The following TDRD12 variants were observed in gnomAD, a reference collection of about 807,000 sequenced individuals.
The protein encoded by TDRD12 is putative ATP-dependent RNA helicase TDRD12.
In TDRD12, 158 loss-of-function variants were observed where a neutral mutation model predicts 133.5. The ratio of observed to expected loss-of-function variants is 1.18; its 90% CI spans 1.04 to 1.35. The LOEUF is 1.35. TDRD12 is among the 40% of genes most tolerant of loss of function. TDRD12 has a pLI of 0.00. For synonymous variants in TDRD12, 460 were observed against 477.9 expected, an observed-to-expected ratio of 0.96 and a Z score of 0.49; for missense variants, 1,443 against 1,321.3, an observed-to-expected ratio of 1.09 and a Z score of -1.43.
intron 4 of TDRD12, among the ~76,000 whole-genome samples, chr19:32,745,074 C>A (rs1468793016): frequency 1.3e-5 from 2 of 152,246 alleles, no homozygotes; most frequent in Non-Finnish European, 2.9e-5. Flanking sequence ...CCAGCCAGCC[C>A]CCCCCACTAC....
intron 10 of TDRD12, among the ~76,000 whole-genome samples, chr19:32,775,626 C>T (rs927591499): frequency 3.3e-5 from 5 of 152,116 alleles, no homozygotes; most frequent in African/African-American, 1.2e-4. Context: ...AGCCACTGTG[C>T]CCGGCCTATA....
At chr19:32,720,264 TC>T (rs1199669414) in intron 1 of TDRD12, among the ~76,000 whole-genome samples, 168 bp downstream of exon 1, 19 of 53,790 alleles carry the variant, frequency 3.5e-4, no homozygotes, top group Admixed American at 1.1e-3. Context: ...CCCCCACCCC[TC>T]CCCCCATCCC....
At chr19:32,722,694 T>C (rs1968723985) in intron 1 of TDRD12, among the ~76,000 whole-genome samples, 1 of 151,226 alleles carries the variant, frequency 6.6e-6, no homozygotes, top group Non-Finnish European at 1.5e-5. Flanking sequence ...TTTTTTTTTT[T>C]TTTGAGACGG....
intron 4 of TDRD12, among the ~76,000 whole-genome samples, chr19:32,743,419 G>C (rs1244011478): frequency 7.1e-6 from 1 of 141,226 alleles, no homozygotes; most frequent in Non-Finnish European, 1.5e-5. Flanking sequence ...CTCCCTTCTT[G>C]CTTTCTTTTT....
Position 32,806,062 on chromosome 19 carries a change from T to G in TDRD12, c.2553-1487T>G, listed in dbSNP as rs1229903913. On this transcript the variant is annotated intron_variant, in intron 21 of 27. Coordinates refer to ENST00000444215, the Ensembl canonical transcript of TDRD12. ...GTACATTTTAGAATGAGCCTGTTAG[T>G]GTCTTCAGAAACCTTGCAGAATTTT... is the stretch of plus-strand genomic sequence containing the variant. 2.6e-5 allele frequency among the ~76,000 whole-genome samples: 4 copies of G among 152,056 alleles called. No individual in the cohort carries two copies. In the East Asian group the frequency reaches 7.8e-4, roughly 30 times the overall value.
intron 17 of TDRD12, 116 bp downstream of exon 17, chr19:32,800,474 G>A: frequency 2.0e-6 from 2 of 1,004,888 alleles, no homozygotes; most frequent in East Asian, 2.7e-5. Flanking sequence ...AACAATTACA[G>A]CTTTGATTTC....
In TDRD12 at chr19:32,790,951, C is replaced by T. The variant is rs540961882; in HGVS notation, c.1183-13C>T. On this transcript the variant is annotated splice_polypyrimidine_tract_variant and intron_variant, in intron 12 of 27. Coordinates refer to ENST00000444215, the Ensembl canonical transcript of TDRD12. ...GGGCAGACACTGGTTGTCTAATGCA[C>T]ACGTTCTCTCAGTTGCAGAAGCTGA... 2 of 1,534,246 alleles carry T rather than the reference C, an allele frequency of 1.3e-6. No homozygotes were observed. The highest frequency in any genetic ancestry group is 1.7e-6 in the Non-Finnish European group (2 of 1,146,518).
rs1228053963 is a variant in TDRD12, at chr19:32,758,912, T to TG, written c.865+1783dup. 1.1e-4 allele frequency among the ~76,000 whole-genome samples: 17 copies of TG among 152,122 alleles called. 2 individuals are homozygous for TG. In the South Asian group the frequency reaches 3.5e-3, roughly 32 times the overall value. The stretch of plus-strand genomic sequence containing the variant: ...TTATGTCATTGCACTCCAGCCTGGA[T>TG]GACAGAGTGAGACTCTGTCTCAGAA... On this transcript the variant is annotated intron_variant, in intron 8 of 27. Coordinates refer to ENST00000444215, the Ensembl canonical transcript of TDRD12.
chr19:32,736,003 G>A (rs1475482003), intron 2 of TDRD12, among the ~76,000 whole-genome samples: 2 of 152,080 alleles, frequency 1.3e-5, no homozygotes, highest in African/African-American at 4.8e-5. Flanking sequence ...TGTCTTTAAA[G>A]GACTAAAGCT....
chr19:32,813,437 C>T (rs977294784), intron 24 of TDRD12, among the ~76,000 whole-genome samples: 1 of 152,186 alleles, frequency 6.6e-6, no homozygotes, highest in African/African-American at 2.4e-5. Flanking sequence ...CCCAAAGGCA[C>T]AGACCCCCGC....
chr19:32,825,998 A>C (rs1237662713), downstream of TDRD12: 1 of 781,086 alleles, frequency 1.3e-6, no homozygotes, highest in Admixed American at 2.4e-5. This position sits in a 1 kb window ranked among gnomAD's most constrained non-coding sequence, Gnocchi z 4.1. Context: ...TTCCTCATCT[A>C]GACGTTGCAT....
Position 32,721,281 on chromosome 19 carries a change from G to A in TDRD12, c.24+1185G>A, listed in dbSNP as rs922580161. Among the ~76,000 whole-genome samples, 5 of 152,230 alleles carry A rather than the reference G, an allele frequency of 3.3e-5. No homozygotes were observed. In the East Asian group the frequency reaches 7.7e-4, roughly 23 times the overall value. ...CAGGCCAGAGCAGAGGGGTGGGTAT[G>A]GGTTATTGGAGAAAGGAAATCTAAA... is the stretch of plus-strand genomic sequence containing the variant. On this transcript the variant is annotated intron_variant, in intron 1 of 27. Transcript: ENST00000444215.
chr19:32,817,969 C>CAAAAA, intron 26 of TDRD12, 120 bp from the exon 27 acceptor site: 2 of 593,228 alleles, frequency 3.4e-6, no homozygotes, highest in Non-Finnish European at 6.0e-6. Flanking sequence ...GCCTCTGTCT[C>CAAAAA]AAAAAAAAAA....
intron 8 of TDRD12, among the ~76,000 whole-genome samples, chr19:32,771,708 A>G (rs1970448255): frequency 6.7e-6 from 1 of 150,334 alleles, no homozygotes; most frequent in Non-Finnish European, 1.5e-5. Flanking sequence ...TACCACCTCC[A>G]CTCCTGGTTC....
At position 32,748,510 on chromosome 19, in the gene TDRD12, T is replaced by C. The variant is rs1370192431; in HGVS notation, c.475T>C (p.Tyr159His). Residue 159 changes from tyrosine (Y) to histidine (H), a missense_variant, in exon 5 of 28, where the codon TAC (tyrosine) becomes CAC (histidine). By Grantham distance (83) the Tyr-to-His change is moderately conservative. Coordinates refer to ENST00000444215, the Ensembl canonical transcript of TDRD12. ...GAAGTGGGACAATGCAGCTATTCAG[T>C]ACTTTCAGAACCTTCTGAAAGGTAA... 5 of 1,551,886 alleles carry C rather than the reference T, an allele frequency of 3.2e-6. No homozygotes were observed. The highest frequency in any genetic ancestry group is 2.7e-5 in the African/African-American group (2 of 73,190).
intron 2 of TDRD12, among the ~76,000 whole-genome samples, chr19:32,736,776 G>A (rs755817862): frequency 6.6e-6 from 1 of 152,312 alleles, no homozygotes; most frequent in East Asian, 1.9e-4. Context: ...GTTAGCATAC[G>A]GTTTATTAGT....
exon 23 of TDRD12, chr19:32,810,193 A>G: frequency 6.5e-7 from 1 of 1,536,150 alleles, no homozygotes; most frequent in South Asian, 1.2e-5. Context: ...ATGAATGAGT[A>G]TTTTAAGGAT....
At chr19:32,774,736 T>G (rs1970532672) in intron 10 of TDRD12, among the ~76,000 whole-genome samples, 1 of 152,102 alleles carries the variant, frequency 6.6e-6, no homozygotes, top group African/African-American at 2.4e-5. Flanking sequence ...TTCCTAGCAC[T>G]TTGGGAGGCC....
chr19:32,758,592 A>C (rs1305749535), intron 8 of TDRD12, among the ~76,000 whole-genome samples: 1 of 152,110 alleles, frequency 6.6e-6, no homozygotes, highest in Admixed American at 6.6e-5. Flanking sequence ...TGCTGCTATC[A>C]ATAGCCCAGA....
Sources: allele counts gnomAD v4.1 joint callset (sites outside exome capture counted in the v4.1 genomes callset), GRCh38; gene constraint gnomAD v4.1.1; non-coding constraint Gnocchi (gnomAD v3.1); transcripts MANE v1.5; gene names NCBI Gene and HGNC (gene_info 2026-07-23, HGNC 2026-07-21).